DENND1A: variants seen among roughly 807,000 people sequenced by gnomAD.
DENND1A encodes the protein DENN domain containing 1A.
DENND1A carries 51 observed loss-of-function variants against 113.7 expected under a neutral mutation model. That is an observed-to-expected ratio of 0.45 (90% CI 0.36 to 0.57). DENND1A has a LOEUF of 0.57. Ranked by LOEUF, DENND1A falls within the 20% of genes least tolerant of loss-of-function variation. DENND1A has a pLI of 0.00. For synonymous variants in DENND1A, 565 were observed against 570.8 expected (o/e 0.99, Z 0.14); for missense variants, 1,258 against 1,395.9 (o/e 0.90, Z 1.57).
At chr9:123,420,763 C>T (rs868532232) in intron 19 of DENND1A, among the ~76,000 whole-genome samples, 3 of 149,562 alleles carry the variant, frequency 2.0e-5, no homozygotes, top group Non-Finnish European at 3.0e-5. Context: ...GCTCGGCTGA[C>T]GGGGAAGTTC....
At chr9:123,491,943 C>T (rs955574559) in intron 13 of DENND1A, 3 of 152,204 alleles carry the variant, frequency 2.0e-5, no homozygotes, top group African/African-American at 7.2e-5. Flanking sequence ...GATCTTACTA[C>T]CTTACGGGAG....
intron 13 of DENND1A, among the ~76,000 whole-genome samples, chr9:123,548,312 C>G (rs1301979855): frequency 2.0e-5 from 3 of 152,192 alleles, no homozygotes; most frequent in Non-Finnish European, 4.4e-5. Context: ...TACACTCCCC[C>G]ATCAATGAAT....
chr9:123,785,858 G>A (rs937909863), intron 3 of DENND1A, among the ~76,000 whole-genome samples: 7 of 152,076 alleles, frequency 4.6e-5, no homozygotes, highest in South Asian at 2.1e-4. Context: ...TAAGAAATAC[G>A]GAAAGTGAGC....
intron 13 of DENND1A, among the ~76,000 whole-genome samples, chr9:123,497,113 T>C (rs1289629345): frequency 1.3e-5 from 2 of 152,188 alleles, no homozygotes; most frequent in African/African-American, 4.8e-5. Context: ...TTTGATGTCT[T>C]CTGTGGGGCT....
intron 5 of DENND1A, among the ~76,000 whole-genome samples, chr9:123,680,650 G>T (rs1196599879): frequency 2.6e-5 from 4 of 152,184 alleles, no homozygotes; most frequent in African/African-American, 9.7e-5. Context: ...CACTCCACTT[G>T]GGATGATAAT....
At chr9:123,394,546 T>G (rs1438496711) in intron 21 of DENND1A, among the ~76,000 whole-genome samples, 1 of 152,246 alleles carries the variant, frequency 6.6e-6, no homozygotes, top group Admixed American at 6.5e-5. Flanking sequence ...GCCCTTGGCT[T>G]CTTCAGCCTT....
intron 12 of DENND1A, among the ~76,000 whole-genome samples, chr9:123,578,981 T>G (rs1449508172): frequency 6.6e-6 from 1 of 152,162 alleles, no homozygotes; most frequent in Non-Finnish European, 1.5e-5. Flanking sequence ...TATGAAGTTA[T>G]GAAACAACAT....
intron 13 of DENND1A, among the ~76,000 whole-genome samples, chr9:123,481,454 G>A (rs1167547445): frequency 1.3e-5 from 2 of 152,238 alleles, no homozygotes; most frequent in East Asian, 3.9e-4. Flanking sequence ...CCTGTGCCAG[G>A]TGCTGCCGAA....
At chr9:123,498,372 C>T (rs147986204) in intron 13 of DENND1A, among the ~76,000 whole-genome samples, 365 of 152,234 alleles carry the variant, frequency 2.4e-3, no homozygotes, top group Middle Eastern at 6.8e-3. Context: ...AGATCACCAG[C>T]GTGCTGGTCA....
At chr9:123,612,638 T>C (rs1196160890) in intron 10 of DENND1A, among the ~76,000 whole-genome samples, 1 of 152,234 alleles carries the variant, frequency 6.6e-6, no homozygotes, top group Non-Finnish European at 1.5e-5. Context: ...TGTATCATAA[T>C]TTATCGAATG....
chr9:123,614,316 T>C (rs2060545579), intron 10 of DENND1A, among the ~76,000 whole-genome samples: 1 of 152,196 alleles, frequency 6.6e-6, no homozygotes, highest in African/African-American at 2.4e-5. Context: ...AAAAGGGCTA[T>C]TCGCCAGTCC....
At chr9:123,646,144 C>G (rs117495049) in intron 9 of DENND1A, among the ~76,000 whole-genome samples, 6 of 152,088 alleles carry the variant, frequency 3.9e-5, no homozygotes, top group Non-Finnish European at 8.8e-5. Flanking sequence ...TTATTATAAA[C>G]GTCTGCAAAA....
intron 5 of DENND1A, among the ~76,000 whole-genome samples, chr9:123,739,402 C>T (rs2068817334): frequency 6.6e-6 from 1 of 152,114 alleles, no homozygotes; most frequent in African/African-American, 2.4e-5. Context: ...TCTTTCCTAA[C>T]CTCTACAACT....
At chr9:123,553,239 G>A (rs1056353330) in intron 13 of DENND1A, among the ~76,000 whole-genome samples, 6 of 152,092 alleles carry the variant, frequency 3.9e-5, no homozygotes, top group South Asian at 2.1e-4. Context: ...GCAATAGAGC[G>A]AGACCCCGTC....
At chr9:123,629,791 G>A (rs1263241081) in intron 10 of DENND1A, among the ~76,000 whole-genome samples, 2 of 152,184 alleles carry the variant, frequency 1.3e-5, no homozygotes, top group Non-Finnish European at 2.9e-5. Flanking sequence ...ATGTGCCAGG[G>A]CATGGCTGAA....
At chr9:123,825,161 C>A (rs895393977) in intron 2 of DENND1A, among the ~76,000 whole-genome samples, 3 of 151,850 alleles carry the variant, frequency 2.0e-5, no homozygotes, top group African/African-American at 7.3e-5. Flanking sequence ...TTTCTTATCA[C>A]GTAAAATTAA....
At chr9:123,669,660 T>C (rs2139925112) in intron 7 of DENND1A, among the ~76,000 whole-genome samples, 2 of 152,262 alleles carry the variant, frequency 1.3e-5, no homozygotes, top group South Asian at 4.1e-4. Flanking sequence ...CGGACTGAAG[T>C]GGTGAGATCA....
intron 13 of DENND1A, among the ~76,000 whole-genome samples, chr9:123,531,729 C>T (rs934089968): frequency 2.0e-5 from 3 of 152,164 alleles, no homozygotes; most frequent in Admixed American, 6.6e-5. Flanking sequence ...ATTTTCACCA[C>T]ACTCAAAAAC....
chr9:123,883,723 G>T (rs1848623682), intron 1 of DENND1A, among the ~76,000 whole-genome samples: 1 of 152,162 alleles, frequency 6.6e-6, no homozygotes, highest in Admixed American at 6.5e-5. Flanking sequence ...TGGAAACAAG[G>T]AAGGTTATTC....
Sources: allele counts gnomAD v4.1 joint callset (sites outside exome capture counted in the v4.1 genomes callset), GRCh38; gene constraint gnomAD v4.1.1; transcripts MANE v1.5; gene names NCBI Gene and HGNC (gene_info 2026-07-23, HGNC 2026-07-21).